SORCS2: variants seen among roughly 807,000 people sequenced by gnomAD.
The protein encoded by SORCS2 is VPS10 domain-containing receptor SorCS2.
Under a neutral mutation model 141.6 loss-of-function variants are expected in SORCS2, and 100 were observed. The observed-to-expected ratio is 0.71, with a 90% CI of 0.60 to 0.83. The LOEUF (loss-of-function observed/expected upper bound fraction) is 0.83. Ranked by LOEUF, SORCS2 falls within the 40% of genes least tolerant of loss-of-function variation. SORCS2 has a pLI of 0.00. For synonymous variants in SORCS2, 789 were observed against 676.9 expected (o/e 1.17, Z -2.57); for missense variants, 1,646 against 1,560.2 (o/e 1.05, Z -0.93).
rs956362195 is a variant in SORCS2, at chr4:7,506,093, A to C, written c.549-25437A>C. On this transcript the variant is annotated intron_variant, in intron 2 of 26. Transcript: ENST00000507866. ...CTGGGGTGGGGAGGCTGTGGAAGCC[A>C]GCAGGAACCATCAAGGTGATCCCAG... 2.6e-5 allele frequency among the ~76,000 whole-genome samples: 4 copies of C among 152,276 alleles called. No individual in the cohort carries two copies. The East Asian group carries it at 5.8e-4, about 22-fold the overall frequency.
chr4:7,649,379 G>A (rs535980893), intron 4 of SORCS2, among the ~76,000 whole-genome samples: 1 of 151,982 alleles, frequency 6.6e-6, no homozygotes, highest in African/African-American at 2.4e-5. Flanking sequence ...ACCCATGTGA[G>A]GGTGTGGGCT....
At chr4:7,728,493 C>A in intron 22 of SORCS2, 31 bp downstream of exon 22, 1 of 1,518,622 alleles carries the variant, frequency 6.6e-7, no homozygotes, top group Non-Finnish European at 9.0e-7. Context: ...GCCTCCCCAG[C>A]CCCACGGTGC....
intron 2 of SORCS2, among the ~76,000 whole-genome samples, chr4:7,481,121 A>C (rs917774764): frequency 4.6e-5 from 7 of 152,368 alleles, no homozygotes; most frequent in South Asian, 2.1e-4. Flanking sequence ...CCTGTGAGCC[A>C]AGCCTTGGCC....
intron 3 of SORCS2, among the ~76,000 whole-genome samples, chr4:7,580,971 C>T (rs138289672): frequency 3.7e-4 from 57 of 152,070 alleles, no homozygotes; most frequent in African/African-American, 1.3e-3. Context: ...GTTTTATATA[C>T]ATTTTCTAAA....
intron 1 of SORCS2, among the ~76,000 whole-genome samples, chr4:7,242,750 G>T (rs1712788715): frequency 6.6e-6 from 1 of 152,162 alleles, no homozygotes; most frequent in African/African-American, 2.4e-5. Context: ...CAGACTCCGT[G>T]GCCATTACTT....
chr4:7,302,705 G>A (rs113314535), intron 1 of SORCS2, among the ~76,000 whole-genome samples: 149 of 151,106 alleles, frequency 9.9e-4, no homozygotes, highest in African/African-American at 3.4e-3. Context: ...CATTTTGTCC[G>A]TTTGTTCACT....
At chr4:7,360,513 T>G (rs1251057068) in intron 1 of SORCS2, among the ~76,000 whole-genome samples, 2 of 147,774 alleles carry the variant, frequency 1.4e-5, no homozygotes, top group African/African-American at 5.0e-5. Context: ...TGAGTCCCAG[T>G]CCAGGCTCTG....
intron 21 of SORCS2, among the ~76,000 whole-genome samples, 159 bp downstream of exon 21, chr4:7,727,062 T>A (rs888450136): frequency 6.6e-6 from 1 of 152,194 alleles, no homozygotes; most frequent in African/African-American, 2.4e-5. Flanking sequence ...CTGCCCTGGC[T>A]GTGTGGCCTG....
At chr4:7,520,582 C>T (rs1733264939) in intron 2 of SORCS2, among the ~76,000 whole-genome samples, 1 of 152,214 alleles carries the variant, frequency 6.6e-6, no homozygotes, top group South Asian at 2.1e-4. Flanking sequence ...TGGCAGGCAG[C>T]TGAACCCACA....
intron 1 of SORCS2, among the ~76,000 whole-genome samples, chr4:7,348,124 C>G (rs1288979501): frequency 1.3e-5 from 2 of 152,192 alleles, no homozygotes; most frequent in African/African-American, 4.8e-5. Context: ...TCGTGTCAGG[C>G]CAAGGAGCCG....
chr4:7,484,848 C>G (rs1730877120), intron 2 of SORCS2, among the ~76,000 whole-genome samples: 2 of 152,114 alleles, frequency 1.3e-5, no homozygotes, highest in African/African-American at 4.8e-5. Context: ...CTCCACGCAG[C>G]CCACCTCCTC....
intron 3 of SORCS2, among the ~76,000 whole-genome samples, chr4:7,580,372 C>G (rs1233885142): frequency 6.6e-6 from 1 of 152,090 alleles, no homozygotes; most frequent in Non-Finnish European, 1.5e-5. Flanking sequence ...CGTTTGTAAT[C>G]CCAGCTACTC....
chr4:7,277,324 TA>T (rs1715567543), intron 1 of SORCS2, among the ~76,000 whole-genome samples: 1 of 152,190 alleles, frequency 6.6e-6, no homozygotes, highest in Non-Finnish European at 1.5e-5. Flanking sequence ...TGGTCATCCC[TA>T]TCCCCAGCTC....
chr4:7,548,144 G>C (rs1344089813), intron 3 of SORCS2, among the ~76,000 whole-genome samples: 4 of 152,202 alleles, frequency 2.6e-5, no homozygotes, highest in East Asian at 1.9e-4. Flanking sequence ...GGCTGAAAGA[G>C]GAAGGCCTTT....
rs116276074 is a variant in SORCS2 at position 7,619,811 on chromosome 4, C to G, written c.649-18517C>G. On this transcript the variant is annotated intron_variant, in intron 3 of 26. Transcript: ENST00000507866. ...TAGTGCCCGAGTGGGAAGGGACGGCCTTTAGGAGCACACGCATGTACACGT... is the reference window on the plus strand; with the variant it reads ...TAGTGCCCGAGTGGGAAGGGACGGCGTTTAGGAGCACACGCATGTACACGT... 9.9e-3 allele frequency among the ~76,000 whole-genome samples: 1,512 copies of G among 152,240 alleles called. 28 individuals are homozygous for G. Among genetic ancestry groups the G allele is most frequent in the African/African-American group, 0.034 (1,412 of 41,538 alleles).
chr4:7,360,303 C>G (rs1577444078), intron 1 of SORCS2, among the ~76,000 whole-genome samples: 1 of 152,158 alleles, frequency 6.6e-6, no homozygotes, highest in African/African-American at 2.4e-5. Flanking sequence ...GGTGAGGTGA[C>G]ATGCCCCAAA....
At chr4:7,703,499 A>T in intron 13 of SORCS2, 128 bp downstream of exon 13, 1 of 710,786 alleles carries the variant, frequency 1.4e-6, no homozygotes, top group Non-Finnish European at 2.3e-6. Context: ...GAGCAACTGC[A>T]CTAAATCCTA....
intron 3 of SORCS2, among the ~76,000 whole-genome samples, chr4:7,587,467 T>C (rs1422934186): frequency 6.6e-6 from 1 of 152,174 alleles, no homozygotes; most frequent in Admixed American, 6.5e-5. Context: ...TCCTAGGAGT[T>C]TGCATTCTGC....
intron 1 of SORCS2, among the ~76,000 whole-genome samples, chr4:7,306,342 C>T (rs1203170106): frequency 6.6e-6 from 1 of 151,954 alleles, no homozygotes; most frequent in Non-Finnish European, 1.5e-5. Context: ...GGAAGGAAGT[C>T]CAGAGTTCTG....
Sources: allele counts gnomAD v4.1 joint callset (sites outside exome capture counted in the v4.1 genomes callset), GRCh38; gene constraint gnomAD v4.1.1; transcripts MANE v1.5; gene names NCBI Gene and HGNC (gene_info 2026-07-23, HGNC 2026-07-21).